CNTRL: variants seen among roughly 807,000 people sequenced by gnomAD.
CNTRL encodes centriolin.
Under a neutral mutation model 303.7 loss-of-function variants are expected in CNTRL, and 233 were observed. That is an observed-to-expected ratio of 0.77 (90% CI 0.69 to 0.86). The LOEUF (loss-of-function observed/expected upper bound fraction) is 0.86, where lower values mean the gene tolerates loss of function less well. Ranked by LOEUF, CNTRL falls within the 40% of genes least tolerant of loss-of-function variation. CNTRL has a pLI of 0.00. For synonymous variants in CNTRL, 900 were observed against 922.2 expected (o/e 0.98, Z 0.44); for missense variants, 2,524 against 2,650.6 (o/e 0.95, Z 1.05).
chr9:121,087,998 C>T (rs1228389292), intron 2 of CNTRL, among the ~76,000 whole-genome samples: 1 of 152,150 alleles, frequency 6.6e-6, no homozygotes, highest in African/African-American at 2.4e-5. Context: ...CATTCTAGGA[C>T]CCCGTTATGT....
rs764398172 is a variant in CNTRL, at chr9:121,123,923, T to A, written c.1651-8T>A. The A allele has an allele frequency of 2.3e-5, 35 of 1,547,280 alleles. No homozygotes were observed. The highest frequency in any genetic ancestry group is 2.3e-5 in the Non-Finnish European group (27 of 1,152,688). ...TTGGAGTTTTGTTGATTTTTTTTTTTAATTCAGTCCCATATGAAGGCTCAA... is the reference window on the plus strand; with the variant it reads ...TTGGAGTTTTGTTGATTTTTTTTTTAAATTCAGTCCCATATGAAGGCTCAA... On this transcript the variant is annotated splice_polypyrimidine_tract_variant and splice_region_variant and intron_variant, in intron 12 of 43. Coordinates refer to ENST00000373855, the MANE Select transcript of CNTRL (RefSeq NM_007018.6).
At chr9:121,166,240 A>G in intron 36 of CNTRL, 60 bp downstream of exon 36, 3 of 1,233,164 alleles carry the variant, frequency 2.4e-6, no homozygotes, top group Non-Finnish European at 2.3e-6. Context: ...CCATTGGTTT[A>G]AATAACAAAG....
At chr9:121,090,772 G>A (rs568047610) in intron 4 of CNTRL, among the ~76,000 whole-genome samples, 75 of 152,274 alleles carry the variant, frequency 4.9e-4, no homozygotes, top group African/African-American at 1.7e-3. Context: ...AGACTATATG[G>A]CCCGCAAAGC....
rs535173522 is a variant in CNTRL, at chr9:121,141,984, T to C, written c.2692-107T>C. The C allele has an allele frequency of 1.6e-3, 1,386 of 879,064 alleles. 1 individual carries two copies. Among genetic ancestry groups the C allele is most frequent in the Non-Finnish European group, 2.0e-3 (1,150 of 585,336 alleles). 54.5% of individuals were successfully genotyped at this position (879,064 alleles called of 1,614,324 possible). A position where few individuals can be genotyped will look rare whatever the true frequency, so the allele number is the denominator to read the frequency against. The stretch of plus-strand genomic sequence containing the variant: ...TCCTGACAACTCATTAGTAAAAAAT[T>C]AAGTTACAGCCTGTTGTAAAATGGG... On this transcript the variant is annotated intron_variant, in intron 18 of 43. Transcript: ENST00000373855.
At chr9:121,174,986 T>C in intron 42 of CNTRL, 32 bp from the exon 43 acceptor site, 1 of 1,595,930 alleles carries the variant, frequency 6.3e-7, no homozygotes, top group Non-Finnish European at 8.6e-7. Flanking sequence ...ATTTCTTCTG[T>C]GTAAAACCCT....
chr9:121,146,385 C>T, intron 23 of CNTRL, 129 bp downstream of exon 23: 3 of 904,320 alleles, frequency 3.3e-6, no homozygotes, highest in Non-Finnish European at 4.8e-6. Context: ...CATTGAGGTT[C>T]TGTAGCGTTT....
intron 2 of CNTRL, 129 bp from the exon 3 acceptor site, chr9:121,088,167 T>A: frequency 1.7e-6 from 1 of 604,264 alleles, no homozygotes; most frequent in Non-Finnish European, 2.9e-6. Flanking sequence ...TCCATCAGCT[T>A]GGAGTAGTAT....
At chr9:121,126,828 G>GA (rs1212558642) in intron 14 of CNTRL, among the ~76,000 whole-genome samples, 1 of 92,082 alleles carries the variant, frequency 1.1e-5, no homozygotes, top group Non-Finnish European at 2.7e-5. Flanking sequence ...TGTTTGTTTT[G>GA]GTTTTTTTTT....
Position 121,088,422 on chromosome 9 carries a change from T to C in CNTRL, c.96T>C (p.Ser32=), listed in dbSNP as rs2048430703. 15 of 1,611,236 alleles carry C rather than the reference T, an allele frequency of 9.3e-6. No individual in the cohort carries two copies. Among genetic ancestry groups the C allele is most frequent in the Non-Finnish European group, 1.3e-5 (15 of 1,177,370 alleles). ...PIPSSMSNMR[S]RSLSPLIGSE... The stretch of plus-strand genomic sequence containing the variant: ...CATCATCTATGTCCAATATGAGATC[T>C]AGGTCACTTTCACCTTTGATTGGAT... Residue 32 remains serine, a synonymous_variant, in exon 3 of 44, where the codon TCT becomes TCC. Transcript: ENST00000373855.
At chr9:121,176,558 TGAGAGAA>T (rs898722360) in intron 43 of CNTRL, among the ~76,000 whole-genome samples, 4 of 152,076 alleles carry the variant, frequency 2.6e-5, no homozygotes, top group African/African-American at 7.2e-5. Context: ...CCCAGAGTAG[TGAGAGAA>T]GAGTAGAGTG....
At chr9:121,145,470 A>G (rs930788596) in intron 22 of CNTRL, 85 bp downstream of exon 22, 8 of 1,338,820 alleles carry the variant, frequency 6.0e-6, no homozygotes, top group Non-Finnish European at 8.1e-6. Flanking sequence ...TTTAACTGTT[A>G]CAAATCAAGT....
chr9:121,134,376 C>T (rs149233613), intron 14 of CNTRL, among the ~76,000 whole-genome samples: 18,111 of 151,662 alleles, frequency 0.12, 1,270 homozygotes, highest in East Asian at 0.18. Context: ...CTGCAACCTC[C>T]GCCTCCCAGG....
In CNTRL at chr9:121,144,227, A is replaced by G. The variant is rs772730131; in HGVS notation, c.3051+145A>G. 20 of 683,914 alleles carry G rather than the reference A, an allele frequency of 2.9e-5. No homozygotes were observed. The East Asian group carries it at 5.0e-4, about 17-fold the overall frequency. 42.4% of individuals were successfully genotyped at this position (683,914 alleles called of 1,614,324 possible). On this transcript the variant is annotated intron_variant, in intron 20 of 43. Transcript: ENST00000373855. ...CTGTTTTTCTTAAGACCTAAAGATT[A>G]TATTCCCCCCATCACAACCCCCAAT...
Position 121,119,045 on chromosome 9 carries a change from G to A in CNTRL, c.1650+505G>A, listed in dbSNP as rs2050105354. ...ATATATGTGTGTATATATAATGTAT[G>A]TATGTGTATATATATGTGTATTATA... On this transcript the variant is annotated intron_variant, in intron 12 of 43. Transcript: ENST00000373855. Among the ~76,000 whole-genome samples the A allele has an allele frequency of 3.3e-5, 5 of 151,158 alleles. No individual in the cohort carries two copies. In the South Asian group the frequency reaches 6.3e-4, roughly 19 times the overall value.
At chr9:121,132,386 T>G (rs567521772) in intron 14 of CNTRL, among the ~76,000 whole-genome samples, 1 of 152,340 alleles carries the variant, frequency 6.6e-6, no homozygotes, top group African/African-American at 2.4e-5. Context: ...TAATTTGATC[T>G]TCAGTCACTG....
intron 35 of CNTRL, among the ~76,000 whole-genome samples, 168 bp downstream of exon 35, chr9:121,165,268 T>C (rs559608814): frequency 1.8e-4 from 28 of 152,312 alleles, no homozygotes; most frequent in Non-Finnish European, 3.4e-4. Context: ...CTTTGAATTG[T>C]ACACTTTAAA....
At chr9:121,142,330 G>A in intron 19 of CNTRL, 60 bp downstream of exon 19, 1 of 1,455,002 alleles carries the variant, frequency 6.9e-7, no homozygotes, top group Middle Eastern at 1.8e-4. Context: ...CTGCCCACTG[G>A]CAACTAGGTC....
chr9:121,141,095 T>C (rs35108355), intron 17 of CNTRL, among the ~76,000 whole-genome samples: 3,229 of 152,304 alleles, frequency 0.021, 79 homozygotes, highest in Non-Finnish European at 0.03. Flanking sequence ...ACATTTTAAA[T>C]AGAGAAGAAA....
At chr9:121,152,954 AGCTCT>A (rs1329690110) in intron 26 of CNTRL, among the ~76,000 whole-genome samples, 44 of 152,198 alleles carry the variant, frequency 2.9e-4, no homozygotes, top group African/African-American at 8.7e-4. Flanking sequence ...AATACAAATC[AGCTCT>A]TATTGTAGTC....
Sources: allele counts gnomAD v4.1 joint callset (sites outside exome capture counted in the v4.1 genomes callset), GRCh38; gene constraint gnomAD v4.1.1; transcripts MANE v1.5; gene names NCBI Gene and HGNC (gene_info 2026-07-23, HGNC 2026-07-21).